The following CCDC38 variants were observed in gnomAD, a reference collection of about 807,000 sequenced individuals.
CCDC38 encodes coiled-coil domain containing 38, also known as coiled-coil domain-containing protein 38.
Under a neutral mutation model 72.8 loss-of-function variants are expected in CCDC38, and 69 were observed. That is an observed-to-expected ratio of 0.95 (90% confidence interval 0.78 to 1.16). The LOEUF is 1.16. Ranked by LOEUF, CCDC38 falls within the 50% of genes most tolerant of loss-of-function variation. The pLI is 0.00. For synonymous variants in CCDC38, 201 were observed against 213.2 expected, an observed-to-expected ratio of 0.94 and a Z score of 0.50; for missense variants, 626 against 638.9, an observed-to-expected ratio of 0.98 and a Z score of 0.22.
chr12:95,903,627 T>C (rs2079972441), intron 5 of CCDC38: 3 of 544,138 alleles, frequency 5.5e-6, no homozygotes, highest in South Asian at 2.8e-5. Context: ...TGAGTGGTTT[T>C]TCTGCATCAA....
chr12:95,881,454 A>G (rs538742700), intron 11 of CCDC38, 31 bp downstream of exon 11: 4 of 1,526,356 alleles, frequency 2.6e-6, no homozygotes, highest in African/African-American at 1.4e-5. Flanking sequence ...ACCAAACCCA[A>G]TATTTAAACT....
intron 8 of CCDC38, among the ~76,000 whole-genome samples, chr12:95,892,975 A>C (rs2079845413): frequency 1.3e-5 from 2 of 152,194 alleles, no homozygotes; most frequent in Non-Finnish European, 2.9e-5. Flanking sequence ...ATAATATATA[A>C]AATTTTAAAG....
chr12:95,898,013 G>GA (rs1403064384), intron 7 of CCDC38, among the ~76,000 whole-genome samples: 7 of 152,142 alleles, frequency 4.6e-5, no homozygotes, highest in Middle Eastern at 3.4e-3. Context: ...AAATGTGGGG[G>GA]AAAAAATGTC....
rs1445267423 is a variant in CCDC38, at chr12:95,879,359, G to A, written c.1142+285C>T. Among the ~76,000 whole-genome samples, 2 of 152,148 alleles carry A rather than the reference G, an allele frequency of 1.3e-5. No individual in the cohort carries two copies. The highest frequency in any genetic ancestry group is 2.4e-5 in the African/African-American group (1 of 41,434). On this transcript the variant is annotated intron_variant, in intron 12 of 15. Coordinates refer to ENST00000344280, the MANE Select transcript of CCDC38 (RefSeq NM_182496.3). This position sits in a 1 kb window ranked among gnomAD's most constrained non-coding sequence, Gnocchi z 5.5. ...AAAACTATACCGGACAAAAGTTAAG[G>A]CAGTAGGTACCATTTTAATTCTTTT... is the stretch of plus-strand genomic sequence containing the variant.
At chr12:95,933,808 T>TAC (rs1209741119) in intron 2 of CCDC38, 1 of 152,188 alleles carries the variant, frequency 6.6e-6, no homozygotes, top group Non-Finnish European at 1.5e-5. Context: ...TAAACTATGG[T>TAC]ACATTTGCAT....
rs763073791 is a variant in CCDC38, at chr12:95,890,906, T to C, written c.797A>G (p.Lys266Arg). The C allele has an allele frequency of 5.0e-6, 8 of 1,599,548 alleles. No individual in the cohort carries two copies. The highest frequency in any genetic ancestry group is 6.8e-6 in the Non-Finnish European group (8 of 1,169,732). ...LAKLSLHSSN[K>R]EGILEESGRT... is the part of the protein sequence containing the mutation. ...CCCGGACTCCTCAAGGATGCCTTCC[T>C]TGTTACTTGAATGTAATGATAATTC... Residue 266 changes from lysine to arginine, a missense_variant, in exon 9 of 16, where the codon AAG becomes AGG. Physicochemically the swap from Lys to Arg is conservative, Grantham distance 26. Coordinates refer to ENST00000344280, the MANE Select transcript of CCDC38 (RefSeq NM_182496.3).
At chr12:95,895,461 T>G (rs2079876520) in intron 7 of CCDC38, among the ~76,000 whole-genome samples, 1 of 151,912 alleles carries the variant, frequency 6.6e-6, no homozygotes, top group Non-Finnish European at 1.5e-5. Context: ...AATTAGAAGG[T>G]AGCAAAAGGG....
chr12:95,892,278 CTTTTTTTT>C (rs774500212), intron 8 of CCDC38, among the ~76,000 whole-genome samples: 6 of 75,978 alleles, frequency 7.9e-5, no homozygotes, highest in African/African-American at 3.6e-4. Context: ...TTATTACAAT[CTTTTTTTT>C]TTTTTTTTTT....
chr12:95,911,898 A>G (rs1592788077), intron 4 of CCDC38, among the ~76,000 whole-genome samples: 1 of 152,222 alleles, frequency 6.6e-6, no homozygotes, highest in East Asian at 1.9e-4. Flanking sequence ...TTGTTCTGTC[A>G]AAAAGACACA....
At chr12:95,880,551 G>C in intron 11 of CCDC38, among the ~76,000 whole-genome samples, 1 of 152,170 alleles carries the variant, frequency 6.6e-6, no homozygotes, top group Admixed American at 6.5e-5. Flanking sequence ...CTACTTGGGA[G>C]GCTGAGGCAG....
chr12:95,923,718 G>C (rs1008209801), intron 2 of CCDC38, among the ~76,000 whole-genome samples: 4 of 151,880 alleles, frequency 2.6e-5, no homozygotes, highest in African/African-American at 9.7e-5. Context: ...ACAGTCCCCA[G>C]AGTGTGATGT....
chr12:95,934,657 C>G (rs1436525313), intron 2 of CCDC38: 1 of 150,458 alleles, frequency 6.6e-6, no homozygotes, highest in Non-Finnish European at 1.5e-5. Flanking sequence ...AGCAATATAC[C>G]TAGGAGTTCC....
At chr12:95,902,639 T>C (rs2079962070) in intron 5 of CCDC38, among the ~76,000 whole-genome samples, 1 of 152,188 alleles carries the variant, frequency 6.6e-6, no homozygotes, top group South Asian at 2.1e-4. Context: ...ACATTTTGCT[T>C]GTTTCCTACA....
chr12:95,896,075 AG>A lies in CCDC38; in HGVS notation c.615-930del, dbSNP rs1468823801. Among the ~76,000 whole-genome samples, 20 of 145,768 alleles carry A rather than the reference AG, an allele frequency of 1.4e-4. No individual in the cohort carries two copies. The East Asian group carries it at 2.4e-3, about 17-fold the overall frequency. On this transcript the variant is annotated intron_variant, in intron 7 of 15. Coordinates refer to ENST00000344280, the MANE Select transcript of CCDC38 (RefSeq NM_182496.3). Reference sequence around the variant, plus strand: ...TGTCTCAAAAAAAAAAAAAAAAAAAAGAAAGTAGCAAAAGATGGTACATTTG... The same window carrying A: ...TGTCTCAAAAAAAAAAAAAAAAAAAAAAAGTAGCAAAAGATGGTACATTTG...
At chr12:95,893,412 TCCCTCCC>T (rs2079850471) in intron 8 of CCDC38, among the ~76,000 whole-genome samples, 1 of 9,134 alleles carries the variant, frequency 1.1e-4, no homozygotes, top group Non-Finnish European at 2.6e-4. Context: ...CTTCCTTCCC[TCCCTCCC>T]TCCCTCCCTC....
At chr12:95,930,391 C>T (rs1033558119) in intron 2 of CCDC38, among the ~76,000 whole-genome samples, 1 of 152,122 alleles carries the variant, frequency 6.6e-6, no homozygotes, top group South Asian at 2.1e-4. Flanking sequence ...GGAATCTATT[C>T]CATGACTTTA....
intron 13 of CCDC38, among the ~76,000 whole-genome samples, chr12:95,874,882 G>T (rs773285136): frequency 1.3e-5 from 2 of 152,146 alleles, no homozygotes; most frequent in Non-Finnish European, 2.9e-5. Context: ...TCAAACTCAA[G>T]GGTTCTGTCA....
chr12:95,923,708 A>G (rs1457738870), intron 2 of CCDC38, among the ~76,000 whole-genome samples: 1 of 151,676 alleles, frequency 6.6e-6, no homozygotes, highest in Non-Finnish European at 1.5e-5. Flanking sequence ...CCACTCCACA[A>G]CAGTCCCCAG....
intron 2 of CCDC38, 42 bp from the exon 3 acceptor site, chr12:95,919,018 T>A (rs1310094302): frequency 1.6e-6 from 2 of 1,250,308 alleles, no homozygotes; most frequent in Non-Finnish European, 2.3e-6. Context: ...TCTGTCATCC[T>A]TCCTCTGCTG....
Sources: allele counts gnomAD v4.1 joint callset (sites outside exome capture counted in the v4.1 genomes callset), GRCh38; gene constraint gnomAD v4.1.1; non-coding constraint Gnocchi (gnomAD v3.1); transcripts MANE v1.5; gene names NCBI Gene and HGNC (gene_info 2026-07-23, HGNC 2026-07-21).